RUFY1: variants seen among roughly 807,000 people sequenced by gnomAD.
RUFY1 encodes the protein RUN and FYVE domain containing 1.
RUFY1 carries 54 observed loss-of-function variants against 94.6 expected under a neutral mutation model. That is an observed-to-expected ratio of 0.57 (90% CI 0.46 to 0.72). The LOEUF (loss-of-function observed/expected upper bound fraction) is 0.72. RUFY1 is among the 30% of genes least tolerant of loss of function. The probability of loss-of-function intolerance (pLI) is 0.00; values close to 1 mark genes in which losing one functional copy is unlikely to be tolerated. For missense variants in RUFY1, 883 were observed against 883.9 expected (o/e 1.00, Z 0.01); for synonymous variants, 396 against 347.3 (o/e 1.14, Z -1.56).
At chr5:179,558,343 C>A (rs559870273) in intron 1 of RUFY1, among the ~76,000 whole-genome samples, 1 of 152,098 alleles carries the variant, frequency 6.6e-6, no homozygotes, top group Non-Finnish European at 1.5e-5. Flanking sequence ...GATGCCAAGG[C>A]GGGCGGATCA....
At chr5:179,595,475 G>A (rs1765540473) in intron 12 of RUFY1, among the ~76,000 whole-genome samples, 1 of 151,978 alleles carries the variant, frequency 6.6e-6, no homozygotes, top group Non-Finnish European at 1.5e-5. Context: ...AGCCACTAGA[G>A]AAGTGAGTGG....
chr5:179,577,140 AGTACTGCGTT>A lies in RUFY1; in HGVS notation c.890+8_890+17del. The A allele has an allele frequency of 9.4e-7, 1 of 1,066,014 alleles. No homozygotes were observed. The highest frequency in any genetic ancestry group is 1.4e-6 in the Non-Finnish European group (1 of 704,756). The allele number at this position is 1,066,014 out of a possible 1,614,324, so 66.0% of individuals were successfully genotyped here. A position where few individuals can be genotyped will look rare whatever the true frequency, so the allele number is the denominator to read the frequency against. ...AGGATCTTGATGGTGGCAAGGAGTA[AGTACTGCGTT>A]GTATGTCACTTTTTTTTTTTTTTTT... is the stretch of plus-strand genomic sequence containing the variant. On this transcript the variant is annotated splice_donor_5th_base_variant and intron_variant, in intron 6 of 17. Coordinates refer to ENST00000319449, the MANE Select transcript of RUFY1 (RefSeq NM_025158.5).
intron 6 of RUFY1, among the ~76,000 whole-genome samples, chr5:179,578,631 GTTGT>G (rs142563255): frequency 0.096 from 14,561 of 151,930 alleles, 747 homozygotes; most frequent in Middle Eastern, 0.15. Flanking sequence ...TACCATTTAT[GTTGT>G]TTGTTTGTTT....
At chr5:179,577,621 GAGCAA>G (rs976498948) in intron 6 of RUFY1, among the ~76,000 whole-genome samples, 101 of 127,964 alleles carry the variant, frequency 7.9e-4, no homozygotes, top group African/African-American at 3.0e-3. Flanking sequence ...TCGGCCGAAA[GAGCAA>G]ATCCGGGGCT....
At chr5:179,577,159 C>CTTTTTTTTGTTTT in intron 6 of RUFY1, 23 bp downstream of exon 6, 1 of 183,384 alleles carries the variant, frequency 5.5e-6, no homozygotes, top group South Asian at 4.5e-5. Context: ...TTGTATGTCA[C>CTTTTTTTTGTTTT]TTTTTTTTTT....
At chr5:179,569,251 G>A in intron 4 of RUFY1, 51 bp from the exon 5 acceptor site, 1 of 1,612,328 alleles carries the variant, frequency 6.2e-7, no homozygotes, top group African/African-American at 1.3e-5. Flanking sequence ...GAAGGAGTGG[G>A]GATGGTGAAG....
In RUFY1 at chr5:179,604,626, C is replaced by G. The variant is rs1463655435; in HGVS notation, c.1857-1250C>G. Among the ~76,000 whole-genome samples, 5 of 152,140 alleles carry G rather than the reference C, an allele frequency of 3.3e-5. No individual in the cohort carries two copies. The East Asian group carries it at 7.7e-4, about 23-fold the overall frequency. The stretch of plus-strand genomic sequence containing the variant: ...TAGCCTGTGTTTCCCAGAGACCTGC[C>G]ATTTTGTCACTGAGATGAGTCTAAT... On this transcript the variant is annotated intron_variant, in intron 15 of 17. Transcript: ENST00000319449.
intron 7 of RUFY1, among the ~76,000 whole-genome samples, chr5:179,585,485 T>A (rs1488080816): frequency 6.6e-6 from 1 of 152,022 alleles, no homozygotes; most frequent in Admixed American, 6.6e-5. Context: ...AGGCTGAGGC[T>A]GGAAAATCGC....
chr5:179,575,396 GGGGTTTCTTGGACATCT>G (rs1763541560), intron 5 of RUFY1, among the ~76,000 whole-genome samples: 1 of 152,144 alleles, frequency 6.6e-6, no homozygotes, highest in African/African-American at 2.4e-5. Context: ...TGGAATGGCA[GGGGTTTCTTGGACATCT>G]CCATGTTTAC....
intron 6 of RUFY1, among the ~76,000 whole-genome samples, chr5:179,580,675 A>G (rs1452899044): frequency 6.6e-6 from 1 of 151,644 alleles, no homozygotes. Flanking sequence ...GCGTGTGGCA[A>G]GTTGGTGTTT....
intron 15 of RUFY1, 158 bp downstream of exon 15, chr5:179,602,144 A>C (rs1296008711): frequency 3.2e-6 from 2 of 630,302 alleles, no homozygotes; most frequent in East Asian, 2.8e-5. Flanking sequence ...GCCCGGCCTC[A>C]GAGGGGCCCA....
In RUFY1 at chr5:179,596,375, GGGGAGTTTT is replaced by G. The variant is rs1320246848; in HGVS notation, c.1512-180_1512-172del. 1.2e-5 allele frequency: 9 copies of G among 739,710 alleles called. No homozygotes were observed. In the East Asian group the frequency reaches 2.2e-4, roughly 18 times the overall value. The allele number at this position is 739,710 out of a possible 1,614,324, so 45.8% of individuals were successfully genotyped here. A position where few individuals can be genotyped will look rare whatever the true frequency, so the allele number is the denominator to read the frequency against. ...ATGAGTGGTTGCCAGGGGCTGAGGTGGGGAGTTTTGGGAGTGGTGGGACCGTCCTGTATT... is the reference window on the plus strand; with the variant it reads ...ATGAGTGGTTGCCAGGGGCTGAGGTGGGGAGTGGTGGGACCGTCCTGTATT... On this transcript the variant is annotated intron_variant, in intron 12 of 17. Transcript: ENST00000319449.
intron 6 of RUFY1, among the ~76,000 whole-genome samples, chr5:179,580,401 C>T (rs1406111726): frequency 6.6e-6 from 1 of 151,708 alleles, no homozygotes; most frequent in Non-Finnish European, 1.5e-5. Flanking sequence ...CGCCACCACG[C>T]CCGGCTAATT....
At position 179,560,224 on chromosome 5, in the gene RUFY1, C is replaced by G. The variant is rs758723811; in HGVS notation, c.484+26C>G. 3 of 1,604,728 alleles carry G rather than the reference C, an allele frequency of 1.9e-6. No homozygotes were observed. In the South Asian group the frequency reaches 3.3e-5, roughly 18 times the overall value. ...GTGAGCCTGAGGGGGCGTTTGGGAG[C>G]GTGGAAGTTCGGGCTGGGTGTTTGC... On this transcript the variant is annotated intron_variant, in intron 2 of 17. Transcript: ENST00000319449.
At chr5:179,572,223 G>T in intron 5 of RUFY1, 2 of 296,176 alleles carry the variant, frequency 6.8e-6, no homozygotes, top group South Asian at 6.0e-5. Flanking sequence ...CTGGTGGATG[G>T]CGCCTTCCAG....
chr5:179,600,025 A>T (rs1581552179), intron 14 of RUFY1: 2 of 152,366 alleles, frequency 1.3e-5, no homozygotes, highest in East Asian at 1.9e-4. Flanking sequence ...GAGGAAGTGG[A>T]GGGCAGAAGA....
rs549587681 is a variant in RUFY1, at chr5:179,587,484, C to T, written c.1026+1619C>T. 5.3e-5 allele frequency among the ~76,000 whole-genome samples: 8 copies of T among 150,046 alleles called. No individual in the cohort carries two copies. In the East Asian group the frequency reaches 1.2e-3, roughly 22 times the overall value. ...CTGCAAGCTCCCAAGCTCCACCTCC[C>T]GGGTTCACGCCATTCTCCTGCCTCA... is the stretch of plus-strand genomic sequence containing the variant. On this transcript the variant is annotated intron_variant, in intron 8 of 17. Coordinates refer to ENST00000319449, the MANE Select transcript of RUFY1 (RefSeq NM_025158.5).
chr5:179,585,110 G>A (rs929834698), intron 7 of RUFY1, among the ~76,000 whole-genome samples: 2 of 152,176 alleles, frequency 1.3e-5, no homozygotes, highest in Admixed American at 6.5e-5. Flanking sequence ...CAGACTAGGC[G>A]AAAGAGTAAG....
chr5:179,559,980 C>G, intron 1 of RUFY1, 45 bp from the exon 2 acceptor site: 2 of 1,585,158 alleles, frequency 1.3e-6, no homozygotes, highest in Non-Finnish European at 1.7e-6. Context: ...CTGACCTCCC[C>G]ACGCTCAGTC....
Sources: allele counts gnomAD v4.1 joint callset (sites outside exome capture counted in the v4.1 genomes callset), GRCh38; gene constraint gnomAD v4.1.1; transcripts MANE v1.5; gene names NCBI Gene and HGNC (gene_info 2026-07-23, HGNC 2026-07-21).